SHMT1: variants seen among roughly 807,000 people sequenced by gnomAD.
SHMT1 encodes the protein serine hydroxymethyltransferase, cytosolic.
SHMT1 carries 45 observed loss-of-function variants against 49.0 expected under a neutral mutation model. That is an observed-to-expected ratio of 0.92 (90% CI 0.72 to 1.18). The LOEUF is 1.18. Among genes scored for constraint, SHMT1 ranks in the 50% most tolerant of loss-of-function variants. The pLI, the probability that SHMT1 is intolerant of heterozygous loss-of-function variation, is 0.00. For synonymous variants in SHMT1, 232 were observed against 246.6 expected, an observed-to-expected ratio of 0.94 and a Z score of 0.55; for missense variants, 541 against 612.4, an observed-to-expected ratio of 0.88 and a Z score of 1.23.
chr17:18,348,695 C>G (rs768984217), intron 3 of SHMT1: 1 of 600,796 alleles, frequency 1.7e-6, no homozygotes, highest in South Asian at 1.4e-5. Flanking sequence ...GGGGTTTTGG[C>G]TGGGAGAGGT....
At chr17:18,355,267 G>A (rs1301696392) in intron 2 of SHMT1, among the ~76,000 whole-genome samples, 4 of 151,190 alleles carry the variant, frequency 2.6e-5, no homozygotes, top group African/African-American at 7.3e-5. Context: ...CTACTCAGGA[G>A]GCTGAGGCAG....
intron 9 of SHMT1, chr17:18,332,946 C>A: frequency 1.6e-6 from 1 of 637,936 alleles, no homozygotes; most frequent in Non-Finnish European, 2.9e-6. Flanking sequence ...CAATGGCAAC[C>A]ACTATTCCCA....
Position 18,340,292 on chromosome 17 carries a change from G to A in SHMT1, c.602-37C>T. ...AAGGTGACACAGCTGCATCAGAGAT[G>A]TCCACCGGCCAGCTGAGTTGGCTTC... is the stretch of plus-strand genomic sequence containing the variant. On this transcript the variant is annotated intron_variant, in intron 6 of 11. Transcript: ENST00000316694. This position sits in a 1 kb window ranked among gnomAD's most constrained non-coding sequence, Gnocchi z 4.5. The A allele has an allele frequency of 6.2e-7, 1 of 1,605,816 alleles. No homozygotes were observed. Among genetic ancestry groups the A allele is most frequent in the East Asian group, 2.2e-5 (1 of 44,836 alleles).
At chr17:18,355,837 A>G (rs1449903359) in intron 2 of SHMT1, 49 bp downstream of exon 2, 1 of 1,098,538 alleles carries the variant, frequency 9.1e-7, no homozygotes, top group Non-Finnish European at 1.4e-6. Context: ...TAAAGATTAA[A>G]TGAAGGCCTC....
At chr17:18,362,391 G>C (rs925335555) in intron 1 of SHMT1, among the ~76,000 whole-genome samples, 1 of 151,712 alleles carries the variant, frequency 6.6e-6, no homozygotes, top group African/African-American at 2.4e-5. Flanking sequence ...CGTGATCTCC[G>C]CTCACTGCAA....
chr17:18,355,185 T>C (rs559655318), intron 2 of SHMT1, among the ~76,000 whole-genome samples: 3 of 140,958 alleles, frequency 2.1e-5, no homozygotes, highest in African/African-American at 5.4e-5. Context: ...CTGGCTAACA[T>C]GGTGAAACCC....
chr17:18,348,608 C>T (rs1444986104), intron 3 of SHMT1, 168 bp from the exon 4 acceptor site: 1 of 727,166 alleles, frequency 1.4e-6, no homozygotes, highest in Non-Finnish European at 2.5e-6. Flanking sequence ...AGTGTTCCAC[C>T]AATGCCTCTG....
Position 18,362,340 on chromosome 17 carries a change from A to G in SHMT1, c.-20+1032T>C, listed in dbSNP as rs200913506. Among the ~76,000 whole-genome samples the G allele has an allele frequency of 3.3e-5, 5 of 151,228 alleles. No individual in the cohort carries two copies. The East Asian group carries it at 9.7e-4, about 29-fold the overall frequency. ...TCTTTCTCTCTCTTTCTTTCTTTTGAGATAGAGTCTCACTCTGTCACTCAG... is the reference window on the plus strand; with the variant it reads ...TCTTTCTCTCTCTTTCTTTCTTTTGGGATAGAGTCTCACTCTGTCACTCAG... On this transcript the variant is annotated intron_variant, in intron 1 of 11. Coordinates refer to ENST00000316694, the MANE Select transcript of SHMT1 (RefSeq NM_004169.5).
At chr17:18,339,841 C>T (rs924739185) in intron 7 of SHMT1, among the ~76,000 whole-genome samples, 2 of 152,098 alleles carry the variant, frequency 1.3e-5, no homozygotes, top group African/African-American at 2.4e-5. Context: ...ATTACAGGCG[C>T]GAGCCACCTC....
At chr17:18,347,753 G>A (rs1001557182) in intron 4 of SHMT1, 97 bp from the exon 5 acceptor site, 19 of 1,358,402 alleles carry the variant, frequency 1.4e-5, no homozygotes, top group Middle Eastern at 1.8e-4. Flanking sequence ...CAGGAGTGGC[G>A]AGAACAGGCC....
intron 3 of SHMT1, among the ~76,000 whole-genome samples, chr17:18,352,751 C>T (rs1985847993): frequency 6.6e-6 from 1 of 151,470 alleles, no homozygotes; most frequent in Non-Finnish European, 1.5e-5. Context: ...GTCCAGGAGA[C>T]CAAGGCTGCA....
At chr17:18,339,049 T>TAAAAAAAAAAAAAAA (rs34704448) in intron 7 of SHMT1, among the ~76,000 whole-genome samples, 1 of 26,872 alleles carries the variant, frequency 3.7e-5, no homozygotes, top group Non-Finnish European at 6.0e-5. Context: ...CAATAAATAC[T>TAAAAAAAAAAAAAAA]AAAAAAAAAA....
At chr17:18,341,942 A>G (rs1346040728) in intron 5 of SHMT1, among the ~76,000 whole-genome samples, 1 of 152,190 alleles carries the variant, frequency 6.6e-6, no homozygotes, top group Non-Finnish European at 1.5e-5. Context: ...GACCTTTTCA[A>G]TCAATGGCAC....
At chr17:18,343,064 ACAAAGTTG>A (rs1179716568) in intron 5 of SHMT1, among the ~76,000 whole-genome samples, 1 of 152,194 alleles carries the variant, frequency 6.6e-6, no homozygotes, top group Non-Finnish European at 1.5e-5. Context: ...AGCAAAGGGT[ACAAAGTTG>A]CAGTTAGACA....
At chr17:18,343,631 A>AG (rs35431354) in intron 5 of SHMT1, among the ~76,000 whole-genome samples, 1 of 121,100 alleles carries the variant, frequency 8.3e-6, no homozygotes, top group Admixed American at 9.3e-5. Flanking sequence ...AAAAAAAAAA[A>AG]GGGGTCAGCC....
chr17:18,332,192 C>T (rs561053017), intron 9 of SHMT1: 1 of 152,390 alleles, frequency 6.6e-6, no homozygotes, highest in East Asian at 1.9e-4. Flanking sequence ...ACGAGGACTT[C>T]TTGAGCTTTA....
In SHMT1 at chr17:18,347,490, G is replaced by A; in HGVS notation, c.519+6C>T. On this transcript the variant is annotated splice_donor_region_variant and intron_variant, in intron 5 of 11. Transcript: ENST00000316694. The stretch of plus-strand genomic sequence containing the variant: ...AATAAAAGCTAGGAGAGAAACACAT[G>A]CTTACCTTGTAGGGCATAGATTCAA... The A allele has an allele frequency of 6.2e-7, 1 of 1,613,904 alleles. No individual in the cohort carries two copies. Among genetic ancestry groups the A allele is most frequent in the Non-Finnish European group, 8.5e-7 (1 of 1,179,934 alleles).
At chr17:18,335,705 C>G in intron 7 of SHMT1, 30 bp from the exon 8 acceptor site, 1 of 1,456,280 alleles carries the variant, frequency 6.9e-7, no homozygotes, top group Non-Finnish European at 9.7e-7. Context: ...ACAGTGGGAT[C>G]ATAGGGGCTG....
intron 5 of SHMT1, among the ~76,000 whole-genome samples, chr17:18,343,217 A>T (rs1290122967): frequency 6.6e-6 from 1 of 152,144 alleles, no homozygotes; most frequent in Non-Finnish European, 1.5e-5. Context: ...AAAAAAAGTC[A>T]ATTCCAAACA....
Sources: allele counts gnomAD v4.1 joint callset (sites outside exome capture counted in the v4.1 genomes callset), GRCh38; gene constraint gnomAD v4.1.1; non-coding constraint Gnocchi (gnomAD v3.1); transcripts MANE v1.5; gene names NCBI Gene and HGNC (gene_info 2026-07-23, HGNC 2026-07-21).